ACTR3C: variants seen among roughly 807,000 people sequenced by gnomAD.
The protein encoded by ACTR3C is actin related protein 3C.
In ACTR3C, 18 loss-of-function variants were observed where a neutral mutation model predicts 26.3. The observed-to-expected ratio is 0.68, with a 90% CI of 0.47 to 1.01. The LOEUF (loss-of-function observed/expected upper bound fraction) is 1.01. Ranked by LOEUF, ACTR3C falls within the 50% of genes least tolerant of loss-of-function variation. ACTR3C has a pLI of 0.00. For missense variants in ACTR3C, 184 were observed against 250.7 expected (o/e 0.73, Z 1.80); for synonymous variants, 55 against 94.5 (o/e 0.58, Z 2.42).
At chr7:150,127,385 C>G in the ACTR3C span, among the ~76,000 whole-genome samples, 1 of 152,144 alleles carries the variant, frequency 6.6e-6, no homozygotes, top group African/African-American at 2.4e-5. Flanking sequence ...TCCACATAGT[C>G]CATTTTAGAT....
chr7:150,192,798 C>A, the ACTR3C span, among the ~76,000 whole-genome samples: 1 of 152,186 alleles, frequency 6.6e-6, no homozygotes, highest in Non-Finnish European at 1.5e-5. Flanking sequence ...AATAAGGAAT[C>A]CTCAAATTTT....
At chr7:150,105,830 T>C in the ACTR3C span, among the ~76,000 whole-genome samples, 1 of 152,092 alleles carries the variant, frequency 6.6e-6, no homozygotes, top group Non-Finnish European at 1.5e-5. Context: ...CTAAAACCAG[T>C]TAAGTGAAAC....
the ACTR3C span, among the ~76,000 whole-genome samples, chr7:150,033,226 G>A: frequency 1.3e-5 from 2 of 152,100 alleles, no homozygotes; most frequent in Non-Finnish European, 2.9e-5. Flanking sequence ...ACTCTGATCA[G>A]CCCAGGACTC....
chr7:150,243,732 G>A (rs770222355), downstream of ACTR3C, among the ~76,000 whole-genome samples: 1 of 152,078 alleles, frequency 6.6e-6, no homozygotes, highest in Admixed American at 6.5e-5. Flanking sequence ...TATGGAAATA[G>A]TTGTTATGCC....
At chr7:150,082,295 C>T in the ACTR3C span, among the ~76,000 whole-genome samples, 1 of 152,128 alleles carries the variant, frequency 6.6e-6, no homozygotes, top group Admixed American at 6.5e-5. Context: ...TCTCCGGTGT[C>T]CACTCTCATC....
chr7:150,280,488 A>G (rs1190594874), intron 6 of ACTR3C, among the ~76,000 whole-genome samples: 1 of 152,204 alleles, frequency 6.6e-6, no homozygotes, highest in African/African-American at 2.4e-5. Flanking sequence ...CAGAGAGTGG[A>G]ATGGCAGTTA....
the ACTR3C span, among the ~76,000 whole-genome samples, chr7:149,896,054 AAAC>A: frequency 1.5e-5 from 2 of 137,090 alleles, no homozygotes; most frequent in Admixed American, 7.3e-5. Context: ...AAAAAAAAAA[AAAC>A]ACAAAAACTA....
chr7:150,011,369 G>A, the ACTR3C span, among the ~76,000 whole-genome samples: 1 of 152,002 alleles, frequency 6.6e-6, no homozygotes, highest in Admixed American at 6.6e-5. Context: ...GGCAGATCAC[G>A]AGGTCAGGAG....
chr7:150,041,175 T>A, the ACTR3C span, among the ~76,000 whole-genome samples: 1 of 150,432 alleles, frequency 6.6e-6, no homozygotes, highest in Non-Finnish European at 1.5e-5. Context: ...TTGCTGTTGT[T>A]GGGATCCCCA....
the ACTR3C span, among the ~76,000 whole-genome samples, chr7:150,146,571 C>T: frequency 2.0e-5 from 3 of 152,174 alleles, no homozygotes; most frequent in Non-Finnish European, 4.4e-5. Flanking sequence ...GGCTGCTCTT[C>T]AGCTATTCCA....
the ACTR3C span, among the ~76,000 whole-genome samples, chr7:150,057,773 T>C: frequency 6.6e-6 from 1 of 152,226 alleles, no homozygotes; most frequent in Non-Finnish European, 1.5e-5. Flanking sequence ...GCATAGAGCA[T>C]CTCAATGGGT....
rs542899681 is a variant in ACTR3C, at chr7:150,284,838, T to A, written c.479A>T (p.Asn160Ile). Residue 160 changes from asparagine (N) to isoleucine (I), a missense_variant, in exon 6 of 8, where the codon AAC becomes ATC. By Grantham distance (149) the Asn-to-Ile change is moderately radical (BLOSUM62 -3). Coordinates refer to ENST00000683684, the MANE Select transcript of ACTR3C (RefSeq NM_001164458.2). Reference protein sequence around the residue: ...PEIFFHPEFANPDSMESISDV... With the variant: ...PEIFFHPEFAIPDSMESISDV... ...TGAGATGGACTCCATAGAGTCTGGG[T>A]TGGCAAACTGAATTGTATATCAATA... The A allele has an allele frequency of 2.5e-5, 40 of 1,609,476 alleles. No homozygotes were observed. In the African/African-American group the frequency reaches 4.5e-4, roughly 18 times the overall value.
the ACTR3C span, among the ~76,000 whole-genome samples, chr7:150,077,932 A>G: frequency 8.5e-5 from 13 of 152,314 alleles, no homozygotes; most frequent in East Asian, 2.5e-3. Flanking sequence ...AATGAGATAC[A>G]AAGTCATGAT....
the ACTR3C span, among the ~76,000 whole-genome samples, chr7:149,947,232 T>A: frequency 6.8e-6 from 1 of 147,620 alleles, no homozygotes; most frequent in Non-Finnish European, 1.5e-5. Context: ...TTCTGTTTCT[T>A]CTTCATCCAT....
chr7:150,300,317 A>G (rs4725882), intron 1 of ACTR3C, among the ~76,000 whole-genome samples: 2,738 of 152,188 alleles, frequency 0.018, 230 homozygotes, highest in Admixed American at 0.14. Flanking sequence ...GTGCCACTGC[A>G]CTCCAGCCTG....
At chr7:149,991,152 G>A in the ACTR3C span, among the ~76,000 whole-genome samples, 7 of 152,342 alleles carry the variant, frequency 4.6e-5, no homozygotes, top group Admixed American at 6.5e-5. Flanking sequence ...AAGACAGCAA[G>A]TGCAGGGGAA....
the ACTR3C span, among the ~76,000 whole-genome samples, chr7:150,180,702 G>A: frequency 1.3e-4 from 19 of 149,016 alleles, no homozygotes; most frequent in South Asian, 2.1e-4. Flanking sequence ...TAGTAGAGAC[G>A]GGGTTTCACG....
the ACTR3C span, among the ~76,000 whole-genome samples, chr7:150,169,715 G>A: frequency 2.7e-5 from 4 of 150,832 alleles, no homozygotes; most frequent in Non-Finnish European, 5.9e-5. Flanking sequence ...TGAATCATAT[G>A]AGCTTATTAT....
At chr7:149,921,395 C>T in the ACTR3C span, among the ~76,000 whole-genome samples, 1 of 152,156 alleles carries the variant, frequency 6.6e-6, no homozygotes, top group South Asian at 2.1e-4. Flanking sequence ...ACTGGTACTA[C>T]CTCATGTAAC....
Sources: gnomAD v4.1 joint callset for allele counts (sites outside exome capture counted in the v4.1 genomes callset) on GRCh38, gnomAD v4.1.1 for gene constraint, MANE v1.5 for transcripts, NCBI Gene and HGNC (gene_info 2026-07-23, HGNC 2026-07-21) for gene names.